Variants in C1QTNF12 observed in about 807,000 individuals in gnomAD.
The protein encoded by C1QTNF12 is C1q and TNF related 12, also known as adipolin.
Under a neutral mutation model 34.3 loss-of-function variants are expected in C1QTNF12, and 39 were observed. The observed-to-expected ratio is 1.14, with a 90% CI of 0.88 to 1.49. C1QTNF12 has a LOEUF of 1.49. Ranked by LOEUF, C1QTNF12 falls within the 40% of genes most tolerant of loss-of-function variation. The pLI is 0.00. For synonymous variants in C1QTNF12, 220 were observed against 196.9 expected (o/e 1.12, Z -0.98); for missense variants, 497 against 424.7 (o/e 1.17, Z -1.50).
intron 4 of C1QTNF12, 30 bp from the exon 5 acceptor site, chr1:1,243,582 G>A (rs376574791): frequency 2.6e-5 from 39 of 1,516,380 alleles, no homozygotes; most frequent in African/African-American, 1.1e-4. Context: ...AGCGGCCAGC[G>A]CAGGGCCTGG....
Position 1,244,428 on chromosome 1 carries a change from C to T in C1QTNF12, c.247G>A (p.Asp83Asn). Residue 83 changes from aspartate (D) to asparagine (N), a missense_variant, in exon 2 of 8, where the codon GAC becomes AAC. Physicochemically the swap from Asp to Asn is conservative, Grantham distance 23. Coordinates refer to ENST00000330388, the MANE Select transcript of C1QTNF12 (RefSeq NM_001014980.3). ...MTWLNFVRRP[D>N]DGALRKRCGS... The stretch of plus-strand genomic sequence containing the variant: ...CACCGCTTCCTTAAGGCGCCGTCGT[C>T]CGGCCGCCGGACAAAGTTCAGCCAT... 2 of 1,611,902 alleles carry T rather than the reference C, an allele frequency of 1.2e-6. No individual in the cohort carries two copies.
rs370174567 is a variant in C1QTNF12 at position 1,244,090 on chromosome 1, C to T, written c.395G>A (p.Arg132Gln). 1.1e-5 allele frequency: 17 copies of T among 1,585,874 alleles called. No individual in the cohort carries two copies. Among genetic ancestry groups the T allele is most frequent in the South Asian group, 8.0e-5 (7 of 87,120 alleles). ...QELLKEATERRFSGLLDPLLP... is the reference protein window; with the variant it reads ...QELLKEATERQFSGLLDPLLP... ...CAGCGGGTCCAGAAGCCCTGAGAACCGGCGCTCCGTGGCCTCTGTGGGGAG... is the reference window on the plus strand; with the variant it reads ...CAGCGGGTCCAGAAGCCCTGAGAACTGGCGCTCCGTGGCCTCTGTGGGGAG... The change falls in exon 4 of 8, where the codon CGG becomes CAG. Residue 132 changes from arginine to glutamine, a missense_variant. By Grantham distance (43) the Arg-to-Gln change is conservative. Transcript: ENST00000330388.
intron 6 of C1QTNF12, 28 bp from the exon 7 acceptor site, chr1:1,242,941 G>T: frequency 6.2e-7 from 1 of 1,607,372 alleles, no homozygotes; most frequent in Non-Finnish European, 8.5e-7. Context: ...GGGCAAGAGG[G>T]AGGCGTTGCA....
chr1:1,242,956 CA>C (rs778406520), intron 6 of C1QTNF12, 43 bp from the exon 7 acceptor site: 1 of 1,593,826 alleles, frequency 6.3e-7, no homozygotes, highest in South Asian at 1.1e-5. Flanking sequence ...GTTGCAGGTC[CA>C]GGGGGCCAAG....
Position 1,243,490 on chromosome 1 carries a change from C to G in C1QTNF12, c.594G>C (p.Thr198=). Reference sequence around the variant, plus strand: ...ACTGGAAGATGCCGGACACGGGGGCCGTGAACCGACCCGAGGCCAGGCTCA... The same window carrying G: ...ACTGGAAGATGCCGGACACGGGGGCGGTGAACCGACCCGAGGCCAGGCTCA... ...SGLSLASGRF[T]APVSGIFQFS... is the part of the protein sequence containing the mutation. Residue 198 remains threonine, a synonymous_variant, in exon 5 of 8, where the codon ACG becomes ACC. Transcript: ENST00000330388. 2 of 1,560,398 alleles carry G rather than the reference C, an allele frequency of 1.3e-6. No homozygotes were observed. Among genetic ancestry groups the G allele is most frequent in the African/African-American group, 2.7e-5 (2 of 73,468 alleles).
chr1:1,243,407 C>T, intron 5 of C1QTNF12, 37 bp downstream of exon 5: 1 of 1,526,352 alleles, frequency 6.6e-7, no homozygotes, highest in Non-Finnish European at 8.9e-7. Flanking sequence ...CAGCCCCAGC[C>T]CCGTCACAGC....
In C1QTNF12 at chr1:1,244,398, T is replaced by A; in HGVS notation, c.277A>T (p.Ser93Cys). The change falls in exon 2 of 8, where the codon AGC (serine) becomes TGC (cysteine). Residue 93 changes from serine (S) to cysteine (C), a missense_variant. Physicochemically the swap from Ser to Cys is moderately radical, Grantham distance 112 (BLOSUM62 -1). Coordinates refer to ENST00000330388, the MANE Select transcript of C1QTNF12 (RefSeq NM_001014980.3). ...DDGALRKRCG[S>C]RDKKPRDLFG... ...GGGCTCACCGGCTTCTTGTCCCTGC[T>A]TCCGCACCGCTTCCTTAAGGCGCCG... 3 of 1,611,772 alleles carry A rather than the reference T, an allele frequency of 1.9e-6. No individual in the cohort carries two copies. The highest frequency in any genetic ancestry group is 2.5e-6 in the Non-Finnish European group (3 of 1,179,450).
In C1QTNF12 at chr1:1,246,403, G is replaced by C. The variant is rs893530701; in HGVS notation, c.177+111C>G. On this transcript the variant is annotated intron_variant, in intron 1 of 7. Coordinates refer to ENST00000330388, the MANE Select transcript of C1QTNF12 (RefSeq NM_001014980.3). This position sits in a 1 kb window ranked among gnomAD's most constrained non-coding sequence, Gnocchi z 4.5. ...GGGACCGTGGCCGAGGCCTCGAAAAGGGCGACCCGGAGGCAGAGCCGGCAG... is the reference window on the plus strand; with the variant it reads ...GGGACCGTGGCCGAGGCCTCGAAAACGGCGACCCGGAGGCAGAGCCGGCAG... The C allele has an allele frequency of 3.0e-6, 3 of 987,692 alleles. No individual in the cohort carries two copies. In the African/African-American group the frequency reaches 5.0e-5, roughly 17 times the overall value. 61.2% of individuals were successfully genotyped at this position (987,692 alleles called of 1,614,324 possible).
intron 4 of C1QTNF12, 43 bp from the exon 5 acceptor site, chr1:1,243,595 C>A: frequency 6.7e-7 from 1 of 1,489,158 alleles, no homozygotes; most frequent in Non-Finnish European, 9.1e-7. Context: ...GGGCCTGGCC[C>A]CCACCCCACA....
upstream of C1QTNF12, chr1:1,246,824 G>A (rs997013981): frequency 3.3e-6 from 2 of 605,054 alleles, no homozygotes; most frequent in Non-Finnish European, 4.6e-6. This position sits in a 1 kb window ranked among gnomAD's most constrained non-coding sequence, Gnocchi z 4.5. Context: ...GCATGTCTGC[G>A]CGGACCTGCC....
rs1638890016 is a variant in C1QTNF12 at position 1,246,306 on chromosome 1, AG to A, written c.177+207del. ...ACCCACCCCAGGCCAGCTGGGGGCC[AG>A]GTCTCCGCTGCAGAGGAGGAGAGGG... On this transcript the variant is annotated intron_variant, in intron 1 of 7. Coordinates refer to ENST00000330388, the MANE Select transcript of C1QTNF12 (RefSeq NM_001014980.3). This position sits in a 1 kb window ranked among gnomAD's most constrained non-coding sequence, Gnocchi z 4.5. Among the ~76,000 whole-genome samples, 1 of 152,040 alleles carries A rather than the reference AG, an allele frequency of 6.6e-6. No homozygotes were observed. Among genetic ancestry groups the A allele is most frequent in the Non-Finnish European group, 1.5e-5 (1 of 67,996 alleles).
Position 1,246,676 on chromosome 1 carries a change from G to A in C1QTNF12, c.15C>T (p.Ala5=), listed in dbSNP as rs1434847927. 26 of 1,225,706 alleles carry A rather than the reference G, an allele frequency of 2.1e-5. No individual in the cohort carries two copies. Among genetic ancestry groups the A allele is most frequent in the Non-Finnish European group, 2.5e-5 (25 of 983,898 alleles). 75.9% of individuals were successfully genotyped at this position (1,225,706 alleles called of 1,614,324 possible). The part of the protein sequence containing the change: MRRW[A]WAAVVVLLGP... ...CGAGGAGGACCACGACCGCGGCCCA[G>A]GCCCAGCGCCGCATGGCTCCGTCCC... The change falls in exon 1 of 8, where the codon GCC becomes GCT. Residue 5 remains alanine (A), a synonymous_variant. Transcript: ENST00000330388. This position sits in a 1 kb window ranked among gnomAD's most constrained non-coding sequence, Gnocchi z 4.5.
At chr1:1,244,533 G>T in intron 1 of C1QTNF12, 36 bp from the exon 2 acceptor site, 1 of 1,472,620 alleles carries the variant, frequency 6.8e-7, no homozygotes, top group Non-Finnish European at 9.5e-7. Flanking sequence ...CACTGAGGCT[G>T]CACCCTGCAG....
chr1:1,244,508 G>C lies in C1QTNF12; in HGVS notation c.178-11C>G, dbSNP rs768141577. On this transcript the variant is annotated splice_polypyrimidine_tract_variant and intron_variant, in intron 1 of 7. Coordinates refer to ENST00000330388, the MANE Select transcript of C1QTNF12 (RefSeq NM_001014980.3). Reference sequence around the variant, plus strand: ...TGAGGCCTGGGATGGCTGAAGGGACGGGACGGGGCTAGCGCACTGAGGCTG... The same window carrying C: ...TGAGGCCTGGGATGGCTGAAGGGACCGGACGGGGCTAGCGCACTGAGGCTG... 1 of 1,590,288 alleles carries C rather than the reference G, an allele frequency of 6.3e-7. No individual in the cohort carries two copies. Among genetic ancestry groups the C allele is most frequent in the Non-Finnish European group, 8.6e-7 (1 of 1,160,088 alleles).
rs1373797091 is a variant in C1QTNF12, at chr1:1,242,657, C to G, written c.811-11G>C. ...AGCGTACTGTCCAGCCTGTAAGAAGCACGGGGACGTCACAACCGCAGCCAC... is the reference window on the plus strand; with the variant it reads ...AGCGTACTGTCCAGCCTGTAAGAAGGACGGGGACGTCACAACCGCAGCCAC... On this transcript the variant is annotated splice_polypyrimidine_tract_variant and intron_variant, in intron 7 of 7. Coordinates refer to ENST00000330388, the MANE Select transcript of C1QTNF12 (RefSeq NM_001014980.3). 4 of 1,583,724 alleles carry G rather than the reference C, an allele frequency of 2.5e-6. No homozygotes were observed. The highest frequency in any genetic ancestry group is 2.6e-6 in the Non-Finnish European group (3 of 1,165,346).
At chr1:1,246,880 C>G (rs1326259599), upstream of C1QTNF12, among the ~76,000 whole-genome samples, 1 of 151,978 alleles carries the variant, frequency 6.6e-6, no homozygotes, top group Non-Finnish European at 1.5e-5. This position sits in a 1 kb window ranked among gnomAD's most constrained non-coding sequence, Gnocchi z 4.5. Context: ...GGGTCCCGCT[C>G]CAGCCCCCGC....
chr1:1,242,950 C>T, intron 6 of C1QTNF12, 37 bp from the exon 7 acceptor site: 1 of 1,600,976 alleles, frequency 6.2e-7, no homozygotes, highest in Non-Finnish European at 8.5e-7. Flanking sequence ...GGAGGCGTTG[C>T]AGGTCCAGGG....
At chr1:1,247,134 C>T (rs1195180263), upstream of C1QTNF12, among the ~76,000 whole-genome samples, 2 of 152,076 alleles carry the variant, frequency 1.3e-5, no homozygotes, top group African/African-American at 2.4e-5. Context: ...CAAAGGTCCA[C>T]CTCATTCTGG....
chr1:1,246,730 G>A (rs1638902797), upstream of C1QTNF12: 1 of 1,210,920 alleles, frequency 8.3e-7, no homozygotes, highest in Non-Finnish European at 1.0e-6. The surrounding 1 kb of genome is among the most constrained non-coding windows in gnomAD (Gnocchi z 4.5). Flanking sequence ...GAGTCTCGGC[G>A]CCAGGGCGCA....
Sources: allele counts gnomAD v4.1 joint callset (sites outside exome capture counted in the v4.1 genomes callset), GRCh38; gene constraint gnomAD v4.1.1; non-coding constraint Gnocchi (gnomAD v3.1); transcripts MANE v1.5; gene names NCBI Gene and HGNC (gene_info 2026-07-23, HGNC 2026-07-21).